Variants in FAM135A observed in about 807,000 individuals in gnomAD.
FAM135A encodes family with sequence similarity 135 member A, also known as protein FAM135A.
A neutral mutation model predicts 146.8 loss-of-function variants in FAM135A; 79 were observed. The ratio of observed to expected loss-of-function variants is 0.54; its 90% CI spans 0.45 to 0.65. The LOEUF is 0.65. Among genes scored for constraint, FAM135A ranks in the 30% least tolerant of loss-of-function variants. The probability of loss-of-function intolerance (pLI) is 0.00; values close to 1 mark genes in which losing one functional copy is unlikely to be tolerated. For missense variants in FAM135A, 1,623 were observed against 1,758.2 expected (o/e 0.92, Z 1.38); for synonymous variants, 562 against 603.6 (o/e 0.93, Z 1.01).
intron 5 of FAM135A, 43 bp from the exon 6 acceptor site, chr6:70,475,367 T>C (rs1204743758): frequency 2.6e-5 from 38 of 1,468,810 alleles, no homozygotes; most frequent in Non-Finnish European, 3.3e-5. Context: ...GCTTGTGTTA[T>C]ATTTTACTTT....
At chr6:70,487,062 A>C (rs2128204251) in intron 10 of FAM135A, among the ~76,000 whole-genome samples, 1 of 141,944 alleles carries the variant, frequency 7.0e-6, no homozygotes, top group Admixed American at 7.2e-5. Flanking sequence ...CAGCCTGGGC[A>C]AGAGAGTCGG....
At chr6:70,489,995 A>G (rs754057225) in intron 10 of FAM135A, among the ~76,000 whole-genome samples, 7 of 152,138 alleles carry the variant, frequency 4.6e-5, no homozygotes, top group Non-Finnish European at 1.0e-4. Flanking sequence ...GCCTGCTCGT[A>G]TCTGGCCGTC....
At chr6:70,515,447 C>T (rs905358622) in intron 12 of FAM135A, among the ~76,000 whole-genome samples, 2 of 152,090 alleles carry the variant, frequency 1.3e-5, no homozygotes, top group African/African-American at 4.8e-5. Flanking sequence ...TCAGTGAAGC[C>T]ATGAAAAGAC....
chr6:70,536,443 A>G (rs1013350175), intron 19 of FAM135A, 32 bp downstream of exon 19: 2 of 1,513,896 alleles, frequency 1.3e-6, no homozygotes, highest in Admixed American at 2.2e-5. Context: ...TATTAAAAAT[A>G]TGGAATAGGG....
intron 19 of FAM135A, among the ~76,000 whole-genome samples, chr6:70,537,176 C>T (rs931076792): frequency 3.9e-5 from 6 of 151,984 alleles, no homozygotes; most frequent in Non-Finnish European, 7.4e-5. Flanking sequence ...CCTCGTGATC[C>T]GCCCGCCTCG....
At chr6:70,434,822 A>T (rs1419353599) in intron 4 of FAM135A, among the ~76,000 whole-genome samples, 1 of 152,156 alleles carries the variant, frequency 6.6e-6, no homozygotes, top group African/African-American at 2.4e-5. Context: ...CCAGCATGCT[A>T]CTACTAATAA....
chr6:70,441,194 G>C (rs1287338122), intron 4 of FAM135A, among the ~76,000 whole-genome samples: 3 of 152,066 alleles, frequency 2.0e-5, no homozygotes, highest in Non-Finnish European at 4.4e-5. Flanking sequence ...AGGAGTTTGA[G>C]ACCAGCCTGG....
At chr6:70,439,871 T>G (rs986314500) in intron 4 of FAM135A, among the ~76,000 whole-genome samples, 1 of 152,228 alleles carries the variant, frequency 6.6e-6, no homozygotes, top group Non-Finnish European at 1.5e-5. Context: ...AAGTTTTTTC[T>G]TCCTATTTCA....
intron 11 of FAM135A, among the ~76,000 whole-genome samples, chr6:70,495,559 G>A (rs78892979): frequency 0.13 from 19,834 of 152,084 alleles, 1,539 homozygotes; most frequent in Middle Eastern, 0.19. Context: ...AATAAACTGA[G>A]AGTAACAGTA....
At chr6:70,427,464 G>A (rs1582019022) in intron 3 of FAM135A, among the ~76,000 whole-genome samples, 1 of 151,856 alleles carries the variant, frequency 6.6e-6, no homozygotes, top group East Asian at 1.9e-4. Flanking sequence ...CCCCGGAGGC[G>A]GGGATTGCAG....
chr6:70,522,713 A>ACC, intron 13 of FAM135A, 127 bp downstream of exon 13: 1 of 702,376 alleles, frequency 1.4e-6, no homozygotes, highest in Non-Finnish European at 2.3e-6. Flanking sequence ...TTTGAATTTC[A>ACC]GAAATCCCAT....
intron 5 of FAM135A, among the ~76,000 whole-genome samples, chr6:70,465,739 A>G (rs1470102557): frequency 6.6e-6 from 1 of 152,146 alleles, no homozygotes; most frequent in East Asian, 1.9e-4. Context: ...CACAGCAGCT[A>G]TACTGTTTCA....
intron 11 of FAM135A, among the ~76,000 whole-genome samples, chr6:70,496,958 C>T (rs1361310177): frequency 6.6e-6 from 1 of 152,048 alleles, no homozygotes; most frequent in African/African-American, 2.4e-5. Context: ...CAGCTTTGTT[C>T]TTTTTGCTTA....
In FAM135A at chr6:70,526,758, CACACACAT is replaced by C. The variant is rs1455398888; in HGVS notation, c.3614+68_3614+75del. 5.6e-5 allele frequency: 36 copies of C among 640,494 alleles called. No individual in the cohort carries two copies. The African/African-American group carries it at 7.4e-4, about 13-fold the overall frequency. The allele number at this position is 640,494 out of a possible 1,614,324, so 39.7% of individuals were successfully genotyped here. A position where few individuals can be genotyped will look rare whatever the true frequency, so the allele number is the denominator to read the frequency against. ...ATATATACATATATATATACACACA[CACACACAT>C]ACACACACACACACACACACACACA... On this transcript the variant is annotated intron_variant, in intron 15 of 21. Transcript: ENST00000418814.
intron 15 of FAM135A, 83 bp from the exon 16 acceptor site, chr6:70,528,209 C>G: frequency 7.4e-7 from 1 of 1,354,848 alleles, no homozygotes; most frequent in Non-Finnish European, 9.9e-7. Context: ...TGGGTTTCCA[C>G]TTCTACAATT....
intron 11 of FAM135A, among the ~76,000 whole-genome samples, chr6:70,491,293 C>A (rs773760412): frequency 3.9e-5 from 6 of 152,054 alleles, no homozygotes; most frequent in Non-Finnish European, 4.4e-5. Context: ...GTATATTATT[C>A]TTCATATAAA....
At chr6:70,530,331 A>G (rs145609520) in intron 16 of FAM135A, among the ~76,000 whole-genome samples, 205 of 152,290 alleles carry the variant, frequency 1.3e-3, no homozygotes, top group Middle Eastern at 6.8e-3. Flanking sequence ...AATGTGATTA[A>G]GCATATATAT....
chr6:70,424,017 G>GA lies in FAM135A; in HGVS notation c.-133-2416dup, dbSNP rs112352397. Among the ~76,000 whole-genome samples, 639 of 152,260 alleles carry GA rather than the reference G, an allele frequency of 4.2e-3. 4 individuals carry two copies. Among genetic ancestry groups the GA allele is most frequent in the African/African-American group, 0.015 (603 of 41,560 alleles). On this transcript the variant is annotated intron_variant, in intron 2 of 21. Transcript: ENST00000418814. The stretch of plus-strand genomic sequence containing the variant: ...TCTCCCATTTGGGAAAATAAACAAT[G>GA]AAAAAACTCTTTTCATGAGAATGAT...
At chr6:70,460,863 T>C (rs968342417) in intron 5 of FAM135A, among the ~76,000 whole-genome samples, 6 of 151,026 alleles carry the variant, frequency 4.0e-5, no homozygotes, top group Non-Finnish European at 8.8e-5. Context: ...TTTTTTTTTT[T>C]TAAGTAGACT....
Sources: gnomAD v4.1 joint callset for allele counts (sites outside exome capture counted in the v4.1 genomes callset) on GRCh38, gnomAD v4.1.1 for gene constraint, MANE v1.5 for transcripts, NCBI Gene and HGNC (gene_info 2026-07-23, HGNC 2026-07-21) for gene names.